The following SHC2 variants were observed in gnomAD, a reference collection of about 807,000 sequenced individuals.
SHC2 encodes the protein SHC-transforming protein 2.
In SHC2, 62 loss-of-function variants were observed where a neutral mutation model predicts 60.6. The ratio of observed to expected loss-of-function variants is 1.02; its 90% CI spans 0.83 to 1.26. The LOEUF (loss-of-function observed/expected upper bound fraction) is 1.26, where lower values mean the gene tolerates loss of function less well. Among genes scored for constraint, SHC2 ranks in the 50% most tolerant of loss-of-function variants. SHC2 has a pLI of 0.00. For missense variants in SHC2, 873 were observed against 822.2 expected (o/e 1.06, Z -0.76); for synonymous variants, 375 against 372.4 (o/e 1.01, Z -0.08).
intron 1 of SHC2, among the ~76,000 whole-genome samples, chr19:458,829 G>A (rs149405796): frequency 0.093 from 13,410 of 144,072 alleles, 499 homozygotes; most frequent in Middle Eastern, 0.19. Context: ...TTGGGGAGGC[G>A]GAAGAGGGTT....
At chr19:437,805 C>T (rs542219938) in intron 4 of SHC2, among the ~76,000 whole-genome samples, 10 of 152,192 alleles carry the variant, frequency 6.6e-5, no homozygotes, top group Non-Finnish European at 1.5e-4. Flanking sequence ...CTAACTTCTC[C>T]GACAAGGCGA....
intron 4 of SHC2, among the ~76,000 whole-genome samples, chr19:437,487 C>G (rs952467867): frequency 1.1e-4 from 17 of 152,096 alleles, no homozygotes; most frequent in African/African-American, 4.1e-4. Context: ...CCTGAGTCCT[C>G]CCTACAGAAC....
In SHC2 at chr19:424,670, C is replaced by G. The variant is rs1406223417; in HGVS notation, c.1309+427G>C. The stretch of plus-strand genomic sequence containing the variant: ...AATGACGAACCTCCTCCCTTCAGAC[C>G]GGGGGTTCCGACAGAGGCAGGTGGG... On this transcript the variant is annotated intron_variant, in intron 10 of 12. Coordinates refer to ENST00000264554, the MANE Select transcript of SHC2 (RefSeq NM_012435.3). This position sits in a 1 kb window ranked among gnomAD's most constrained non-coding sequence, Gnocchi z 4.5. 1.3e-5 allele frequency among the ~76,000 whole-genome samples: 2 copies of G among 152,182 alleles called. No homozygotes were observed. The highest frequency in any genetic ancestry group is 1.5e-5 in the Non-Finnish European group (1 of 68,034).
At chr19:459,908 CAG>C (rs906063608) in intron 1 of SHC2, among the ~76,000 whole-genome samples, 52 of 152,320 alleles carry the variant, frequency 3.4e-4, no homozygotes, top group African/African-American at 1.3e-3. Flanking sequence ...CTATAAACCA[CAG>C]AGAGGGGCAG....
rs61749991 is a variant in SHC2, at chr19:434,718, G to A, written c.1101C>T (p.Ala367=). The change falls in exon 8 of 13, where the codon GCC becomes GCT. Residue 367 remains alanine, a synonymous_variant. Transcript: ENST00000264554. The part of the protein sequence containing the change: ...LALTQPCALT[A]LDQGPSPSLR... Reference sequence around the variant, plus strand: ...GAGGGCAGAGGCTGACCTGGTCGAGGGCCGTGAGGGCGCAGGGCTGTGTCA... The same window carrying A: ...GAGGGCAGAGGCTGACCTGGTCGAGAGCCGTGAGGGCGCAGGGCTGTGTCA... 0.03 allele frequency: 48,370 copies of A among 1,609,960 alleles called. 3,166 individuals carry two copies. Among genetic ancestry groups the A allele is most frequent in the East Asian group, 0.23 (10,422 of 44,660 alleles).
rs1975042896 is a variant in SHC2, at chr19:446,051, T to C, written c.469-5119A>G. 6.7e-6 allele frequency among the ~76,000 whole-genome samples: 1 copy of C among 149,018 alleles called. No homozygotes were observed. On this transcript the variant is annotated intron_variant, in intron 1 of 12. Coordinates refer to ENST00000264554, the MANE Select transcript of SHC2 (RefSeq NM_012435.3). This position sits in a 1 kb window ranked among gnomAD's most constrained non-coding sequence, Gnocchi z 5.4. ...GCCTGGGTGACAGAGGGAGAGTCTG[T>C]CTCAAAATAAAAAAAAAAAAAGACA...
chr19:428,782 C>A (rs774656234), intron 9 of SHC2, among the ~76,000 whole-genome samples: 9 of 143,990 alleles, frequency 6.3e-5, no homozygotes, highest in Non-Finnish European at 9.1e-5. Flanking sequence ...AAACCTAATA[C>A]TGTGTGGATG....
Position 438,706 on chromosome 19 carries a change from G to T in SHC2, c.720+12C>A. ...GGGGTCTGGGGACGCCAGGCGAAGA[G>T]GGCAGACCCACCTGGCGCGTGGCAG... On this transcript the variant is annotated intron_variant, in intron 4 of 12. Transcript: ENST00000264554. The surrounding 1 kb of genome is among the most constrained non-coding windows in gnomAD (Gnocchi z 5.0). 6.4e-7 allele frequency: 1 copy of T among 1,550,772 alleles called. No individual in the cohort carries two copies. The highest frequency in any genetic ancestry group is 8.7e-7 in the Non-Finnish European group (1 of 1,147,956).
At chr19:450,851 T>G (rs1022354947) in intron 1 of SHC2, among the ~76,000 whole-genome samples, 7 of 143,210 alleles carry the variant, frequency 4.9e-5, no homozygotes, top group Non-Finnish European at 1.1e-4. Flanking sequence ...GCCATGGCTG[T>G]GCCGTATTTC....
At chr19:430,481 C>G (rs1321921234) in intron 9 of SHC2, among the ~76,000 whole-genome samples, 4 of 152,122 alleles carry the variant, frequency 2.6e-5, no homozygotes, top group African/African-American at 9.7e-5. Flanking sequence ...AGTACTTATA[C>G]CCAACATGCA....
At chr19:449,507 G>A (rs1975127454) in intron 1 of SHC2, among the ~76,000 whole-genome samples, 1 of 152,186 alleles carries the variant, frequency 6.6e-6, no homozygotes, top group Admixed American at 6.5e-5. Context: ...TCCTGACTTT[G>A]TTAATCATAC....
At chr19:434,920 C>G (rs2145717205) in intron 7 of SHC2, 55 bp from the exon 8 acceptor site, 2 of 1,548,354 alleles carry the variant, frequency 1.3e-6, no homozygotes, top group East Asian at 4.7e-5. Context: ...GGGGCTAAAG[C>G]CTTACGGCTT....
In SHC2 at chr19:438,930, T is replaced by TGCCCCACCA; in HGVS notation, c.600+31_600+39dup. 1.3e-6 allele frequency: 2 copies of TGCCCCACCA among 1,532,688 alleles called. No homozygotes were observed. Among genetic ancestry groups the TGCCCCACCA allele is most frequent in the Non-Finnish European group, 1.8e-6 (2 of 1,121,648 alleles). 94.9% of individuals were successfully genotyped at this position (1,532,688 alleles called of 1,614,324 possible). A position where few individuals can be genotyped will look rare whatever the true frequency, so the allele number is the denominator to read the frequency against. On this transcript the variant is annotated intron_variant, in intron 3 of 12. Transcript: ENST00000264554. The surrounding 1 kb of genome is among the most constrained non-coding windows in gnomAD (Gnocchi z 5.0). Reference sequence around the variant, plus strand: ...CCGCAGCGTCCCCACAGCCCCCGACTGCCCCACCAGCCCCACGAGAGACCA... The same window carrying TGCCCCACCA: ...CCGCAGCGTCCCCACAGCCCCCGACTGCCCCACCAGCCCCACCAGCCCCACGAGAGACCA...
chr19:435,342 C>G (rs1323562232), intron 7 of SHC2, among the ~76,000 whole-genome samples: 4 of 152,226 alleles, frequency 2.6e-5, no homozygotes, highest in African/African-American at 9.6e-5. Flanking sequence ...ACAGTCGCTG[C>G]TGGGATAAAT....
chr19:424,978 G>A lies in SHC2; in HGVS notation c.1309+119C>T. 1 of 1,136,790 alleles carries A rather than the reference G, an allele frequency of 8.8e-7. No individual in the cohort carries two copies. Among genetic ancestry groups the A allele is most frequent in the Non-Finnish European group, 1.2e-6 (1 of 861,378 alleles). 70.4% of individuals were successfully genotyped at this position (1,136,790 alleles called of 1,614,324 possible). A position where few individuals can be genotyped will look rare whatever the true frequency, so the allele number is the denominator to read the frequency against. On this transcript the variant is annotated intron_variant, in intron 10 of 12. Transcript: ENST00000264554. This position sits in a 1 kb window ranked among gnomAD's most constrained non-coding sequence, Gnocchi z 4.5. ...GTCGACTTGAAGGATCTCACGGGGA[G>A]AAGGGAGCCTCCCCCATCAGACCAG...
rs772495616 is a variant in SHC2 at position 436,684 on chromosome 19, C to G, written c.721-1G>C. 7 of 1,604,478 alleles carry G rather than the reference C, an allele frequency of 4.4e-6. No homozygotes were observed. The East Asian group carries it at 1.6e-4, about 36-fold the overall frequency. On this transcript the variant is annotated splice_acceptor_variant, in intron 4 of 12. Transcript: ENST00000264554. LOFTEE classifies it high-confidence loss of function. ...ACGGCATGTGGTGGTTGGCGATGAC[C>G]TGTGGCGGCAGGAGGCACACGCGGT...
chr19:439,224 C>A, intron 2 of SHC2, 194 bp from the exon 3 acceptor site: 1 of 223,078 alleles, frequency 4.5e-6, no homozygotes. Context: ...AGGGAGGGGG[C>A]TGGGGAACCT....
In SHC2 at chr19:460,559, G is replaced by A. The variant is rs1975522467; in HGVS notation, c.438C>T (p.Val146=). 4 of 1,417,198 alleles carry A rather than the reference G, an allele frequency of 2.8e-6. No homozygotes were observed. The South Asian group carries it at 5.7e-5, about 20-fold the overall frequency. 87.8% of individuals were successfully genotyped at this position (1,417,198 alleles called of 1,614,324 possible). The change falls in exon 1 of 13, where the codon GTC becomes GTT. Residue 146 remains valine (V), a synonymous_variant. Coordinates refer to ENST00000264554, the MANE Select transcript of SHC2 (RefSeq NM_012435.3). Reference sequence around the variant, plus strand: ...CGACGTAGGAGACCCCGGGCCCCAGGACCCTGGCGTCGGGGTGTAGCCAGC... The same window carrying A: ...CGACGTAGGAGACCCCGGGCCCCAGAACCCTGGCGTCGGGGTGTAGCCAGC... The part of the protein sequence containing the change: ...AHGWLHPDAR[V]LGPGVSYVVR...
intron 9 of SHC2, among the ~76,000 whole-genome samples, chr19:426,298 T>C (rs1296165499): frequency 6.6e-6 from 1 of 151,728 alleles, no homozygotes; most frequent in Non-Finnish European, 1.5e-5. Context: ...CTTCTTAGGG[T>C]CAGGATGGGT....
Sources: gnomAD v4.1 joint callset for allele counts (sites outside exome capture counted in the v4.1 genomes callset) on GRCh38, gnomAD v4.1.1 for gene constraint, Gnocchi (gnomAD v3.1) non-coding constraint, MANE v1.5 for transcripts, NCBI Gene and HGNC (gene_info 2026-07-23, HGNC 2026-07-21) for gene names.